NAPA: variants seen among roughly 807,000 people sequenced by gnomAD.
The protein encoded by NAPA is alpha-soluble NSF attachment protein.
Under a neutral mutation model 48.0 loss-of-function variants are expected in NAPA, and 18 were observed. That is an observed-to-expected ratio of 0.38 (90% CI 0.26 to 0.56). The LOEUF is 0.56. NAPA is among the 20% of genes least tolerant of loss of function. The probability of loss-of-function intolerance (pLI) is 0.77; values close to 1 mark genes in which losing one functional copy is unlikely to be tolerated. For missense variants in NAPA, 315 were observed against 385.0 expected (o/e 0.82, Z 1.52); for synonymous variants, 152 against 149.9 (o/e 1.01, Z -0.10).
intron 1 of NAPA, among the ~76,000 whole-genome samples, chr19:47,510,216 C>T (rs1968779850): frequency 6.6e-6 from 1 of 152,208 alleles, no homozygotes; most frequent in East Asian, 1.9e-4. Flanking sequence ...TCTGGAAGCT[C>T]GTGCCCACAC....
At chr19:47,501,732 A>G (rs1968581793) in intron 2 of NAPA, 1 of 152,164 alleles carries the variant, frequency 6.6e-6, no homozygotes, top group Non-Finnish European at 1.5e-5. Context: ...GGGAGGCAGC[A>G]GCATCTCTCC....
chr19:47,489,755 G>A lies in NAPA; in HGVS notation c.742C>T (p.Leu248=), dbSNP rs756131160. The change falls in exon 10 of 11, where the codon CTA becomes TTA. Residue 248 remains leucine (L), a synonymous_variant. Coordinates refer to ENST00000263354, the MANE Select transcript of NAPA (RefSeq NM_003827.4). ...SRECKLMKKL[L]EAHEEQNVDS... ...ACATTCTGCTCCTCGTGGGCCTCTAGCAATTTCTGCAAGCAAATGGCAGAG... is the reference window on the plus strand; with the variant it reads ...ACATTCTGCTCCTCGTGGGCCTCTAACAATTTCTGCAAGCAAATGGCAGAG... The A allele has an allele frequency of 9.9e-6, 16 of 1,613,950 alleles. No individual in the cohort carries two copies. In the East Asian group the frequency reaches 1.8e-4, roughly 18 times the overall value.
At chr19:47,497,057 A>G (rs1193423830) in intron 3 of NAPA, 5 of 286,706 alleles carry the variant, frequency 1.7e-5, no homozygotes, top group Non-Finnish European at 2.2e-5. Flanking sequence ...GTTTGAAGAC[A>G]CATACATCCT....
intron 3 of NAPA, among the ~76,000 whole-genome samples, chr19:47,498,822 G>A (rs551099714): frequency 6.6e-6 from 1 of 152,158 alleles, no homozygotes; most frequent in South Asian, 2.1e-4. Flanking sequence ...GTATCTTTAG[G>A]CTGTAGCTCT....
At chr19:47,500,264 C>G (rs183897260) in intron 3 of NAPA, among the ~76,000 whole-genome samples, 10 of 152,218 alleles carry the variant, frequency 6.6e-5, no homozygotes, top group East Asian at 1.9e-4. Context: ...CCCCGCCCCC[C>G]ACACCGCTCC....
chr19:47,505,990 ACTT>A (rs1392471326), intron 1 of NAPA, among the ~76,000 whole-genome samples: 16 of 138,168 alleles, frequency 1.2e-4, no homozygotes, highest in African/African-American at 1.7e-4. Flanking sequence ...GTTTGGAGTG[ACTT>A]CTTTTTTTTT....
At chr19:47,484,590 C>T (rs1022504770), downstream of NAPA, 3 of 179,260 alleles carry the variant, frequency 1.7e-5, no homozygotes, top group Middle Eastern at 2.5e-3. Context: ...TACTTAAATC[C>T]ATTTTAGAGA....
intron 9 of NAPA, 75 bp downstream of exon 9, chr19:47,490,713 G>T: frequency 1.6e-6 from 2 of 1,265,108 alleles, no homozygotes; most frequent in Non-Finnish European, 2.3e-6. Context: ...AAGTCTTGGC[G>T]ATTGTCCCAC....
chr19:47,510,712 C>T (rs946185455), intron 1 of NAPA, among the ~76,000 whole-genome samples: 7 of 152,196 alleles, frequency 4.6e-5, no homozygotes, highest in Non-Finnish European at 7.3e-5. Context: ...GATCCCCAAA[C>T]GGCACAGCAG....
At chr19:47,498,256 C>T (rs185988751) in intron 3 of NAPA, among the ~76,000 whole-genome samples, 19 of 152,242 alleles carry the variant, frequency 1.2e-4, no homozygotes, top group Non-Finnish European at 2.6e-4. Flanking sequence ...GTACCGGCCA[C>T]CTGCTTGGGG....
At chr19:47,500,593 C>T in intron 3 of NAPA, 40 bp downstream of exon 3, 1 of 1,538,634 alleles carries the variant, frequency 6.5e-7, no homozygotes, top group Non-Finnish European at 8.8e-7. Flanking sequence ...TAGGATGGCG[C>T]TCCGGACAGC....
rs1568462493 is a variant in NAPA at position 47,489,759 on chromosome 19, T to C, written c.738A>G (p.Lys246=). ...TCTGCTCCTCGTGGGCCTCTAGCAATTTCTGCAAGCAAATGGCAGAGAGGG... is the reference window on the plus strand; with the variant it reads ...TCTGCTCCTCGTGGGCCTCTAGCAACTTCTGCAAGCAAATGGCAGAGAGGG... ...SDSRECKLMK[K]LLEAHEEQNV... The change falls in exon 10 of 11, where the codon AAA becomes AAG. Residue 246 remains lysine, a splice_region_variant and synonymous_variant. Coordinates refer to ENST00000263354, the MANE Select transcript of NAPA (RefSeq NM_003827.4). 3.1e-6 allele frequency: 5 copies of C among 1,614,050 alleles called. No homozygotes were observed. Among genetic ancestry groups the C allele is most frequent in the Non-Finnish European group, 4.2e-6 (5 of 1,179,992 alleles).
At chr19:47,488,724 C>G (rs942097209) in intron 10 of NAPA, 1 of 160,264 alleles carries the variant, frequency 6.2e-6, no homozygotes, top group Admixed American at 6.4e-5. Flanking sequence ...TTGAGACCAT[C>G]CTGGCTAACA....
At chr19:47,513,788 C>CA (rs897406544) in intron 1 of NAPA, among the ~76,000 whole-genome samples, 6 of 151,594 alleles carry the variant, frequency 4.0e-5, no homozygotes, top group Non-Finnish European at 8.8e-5. Context: ...CGCATTCCCC[C>CA]ACCCAGGAGT....
rs568705420 is a variant in NAPA at position 47,498,288 on chromosome 19, C to T, written c.295+2345G>A. 5.3e-5 allele frequency among the ~76,000 whole-genome samples: 8 copies of T among 152,266 alleles called. No individual in the cohort carries two copies. The South Asian group carries it at 1.5e-3, about 28-fold the overall frequency. On this transcript the variant is annotated intron_variant, in intron 3 of 10. Coordinates refer to ENST00000263354, the MANE Select transcript of NAPA (RefSeq NM_003827.4). ...GGGGAAGCCAGGCAAGGTTCCAAAT[C>T]GGGCCTCCAGCGCTGTCTCACAAGG...
chr19:47,512,976 C>T (rs1000509745), intron 1 of NAPA, among the ~76,000 whole-genome samples: 8 of 152,128 alleles, frequency 5.3e-5, no homozygotes, highest in Non-Finnish European at 1.0e-4. Context: ...GTTCCCAGTC[C>T]CACCACCGTC....
intron 1 of NAPA, among the ~76,000 whole-genome samples, chr19:47,513,958 C>G (rs1968856448): frequency 7.1e-6 from 1 of 139,920 alleles, no homozygotes; most frequent in Non-Finnish European, 1.5e-5. Context: ...AAGTGATTCT[C>G]CTGCCCCAGC....
intron 2 of NAPA, 124 bp from the exon 3 acceptor site, chr19:47,500,873 A>T: frequency 3.0e-6 from 2 of 676,932 alleles, no homozygotes; most frequent in South Asian, 4.5e-5. Flanking sequence ...CCAAGACAGG[A>T]CGAGGGTGAC....
Position 47,493,152 on chromosome 19 carries a change from G to A in NAPA, c.443C>T (p.Ser148Phe). The change falls in exon 6 of 11, where the codon TCT becomes TTT. Residue 148 changes from serine to phenylalanine, a missense_variant. This residue lies in a region of NAPA where 173 missense variants were observed against 213.5 expected (regional missense o/e 0.81). Transcript: ENST00000263354. This position sits in a 1 kb window ranked among gnomAD's most constrained non-coding sequence, Gnocchi z 6.4. ...CTCCTCGCCTTTGTAGTAGTCTGCA[G>A]ACTGCTCGTAGTGGGCAATGGCCTG... ...IEKAIAHYEQSADYYKGEESN... is the reference protein window; with the variant it reads ...IEKAIAHYEQFADYYKGEESN... 1 of 1,605,110 alleles carries A rather than the reference G, an allele frequency of 6.2e-7. No homozygotes were observed. Among genetic ancestry groups the A allele is most frequent in the Non-Finnish European group, 8.5e-7 (1 of 1,174,666 alleles).
Sources: gnomAD v4.1 joint callset for allele counts (sites outside exome capture counted in the v4.1 genomes callset) on GRCh38, gnomAD v4.1.1 for gene constraint, gnomAD v4.1.1 regional missense constraint, Gnocchi (gnomAD v3.1) non-coding constraint, MANE v1.5 for transcripts, NCBI Gene and HGNC (gene_info 2026-07-23, HGNC 2026-07-21) for gene names.